The following DAB1 variants were observed in gnomAD, a reference collection of about 807,000 sequenced individuals.
DAB1 encodes disabled homolog 1.
A neutral mutation model predicts 64.6 loss-of-function variants in DAB1; 15 were observed. The observed-to-expected ratio is 0.23, with a 90% CI of 0.16 to 0.36. The LOEUF (loss-of-function observed/expected upper bound fraction) is 0.36, where lower values mean the gene tolerates loss of function less well. DAB1 is among the 10% of genes least tolerant of loss of function. DAB1 has a pLI of 1.00. For missense variants in DAB1, 596 were observed against 706.7 expected (o/e 0.84, Z 1.78); for synonymous variants, 235 against 251.9 (o/e 0.93, Z 0.64).
chr1:57,701,255 G>A (rs1032071337), intron 6 of DAB1, among the ~76,000 whole-genome samples: 42 of 152,048 alleles, frequency 2.8e-4, no homozygotes, highest in African/African-American at 9.7e-4. Context: ...ATATGCACAC[G>A]TATGTTTATT....
intron 3 of DAB1, among the ~76,000 whole-genome samples, chr1:58,450,280 C>T (rs1029527160): frequency 2.0e-5 from 3 of 152,156 alleles, no homozygotes; most frequent in South Asian, 2.1e-4. Context: ...ATTCCCCCAT[C>T]GTGTCCTTGA....
chr1:58,236,571 G>A (rs944228239), intron 4 of DAB1, among the ~76,000 whole-genome samples: 9 of 152,172 alleles, frequency 5.9e-5, no homozygotes, highest in African/African-American at 1.2e-4. Context: ...AAATCAAGGT[G>A]ATTATTTACA....
intron 7 of DAB1, among the ~76,000 whole-genome samples, chr1:57,617,735 A>G (rs992229200): frequency 2.0e-5 from 3 of 152,198 alleles, no homozygotes; most frequent in Admixed American, 1.3e-4. Context: ...GGGAAAACAG[A>G]GAATCAGAGG....
chr1:57,077,544 A>AT (rs1326847920), intron 4 of DAB1, among the ~76,000 whole-genome samples: 2 of 152,236 alleles, frequency 1.3e-5, no homozygotes, highest in Non-Finnish European at 2.9e-5. Context: ...AATTCATAAC[A>AT]TTTCACACAG....
chr1:58,455,688 T>C (rs891043382), intron 3 of DAB1, among the ~76,000 whole-genome samples: 1 of 152,260 alleles, frequency 6.6e-6, no homozygotes, highest in African/African-American at 2.4e-5. Flanking sequence ...GCTGGTTACT[T>C]CAGTCTACTA....
intron 3 of DAB1, among the ~76,000 whole-genome samples, chr1:58,495,370 G>T (rs1351859001): frequency 6.6e-6 from 1 of 152,024 alleles, no homozygotes; most frequent in Non-Finnish European, 1.5e-5. Context: ...GTATATATAT[G>T]TAACACACCT....
chr1:57,011,215 C>T lies in DAB1; in HGVS notation c.1502G>A (p.Ser501Asn), dbSNP rs1269430034. 2.5e-6 allele frequency: 4 copies of T among 1,614,078 alleles called. No individual in the cohort carries two copies. Among genetic ancestry groups the T allele is most frequent in the Non-Finnish European group, 3.4e-6 (4 of 1,179,940 alleles). The change falls in exon 13 of 15, where the codon AGT (serine) becomes AAT (asparagine). Residue 501 changes from serine to asparagine, a missense_variant. Ser to Asn is a conservative substitution (Grantham distance 46, BLOSUM62 1). Transcript: ENST00000371236. ...AAAGATGTCATCTGTGGTAGGATCA[C>T]TGGCATGGGATGCAGATGATTTGGA... Reference protein sequence around the residue: ...SPSKSSASHASDPTTDDIFEE... With the variant: ...SPSKSSASHANDPTTDDIFEE...
intron 5 of DAB1, among the ~76,000 whole-genome samples, chr1:57,970,049 C>T (rs1431585084): frequency 6.6e-6 from 1 of 152,154 alleles, no homozygotes; most frequent in Non-Finnish European, 1.5e-5. Flanking sequence ...CTCACCTCTT[C>T]TACCATGTGA....
chr1:57,108,128 C>T (rs1298345968), intron 4 of DAB1, among the ~76,000 whole-genome samples: 4 of 152,096 alleles, frequency 2.6e-5, no homozygotes, highest in African/African-American at 9.7e-5. Context: ...TTTCTGACAG[C>T]CTCTCCAATC....
intron 7 of DAB1, among the ~76,000 whole-genome samples, chr1:57,439,425 CTTTTTTTTTTT>C (rs71051230): frequency 2.0e-4 from 20 of 98,000 alleles, no homozygotes; most frequent in Middle Eastern, 6.8e-3. Context: ...GAGGTTTTTT[CTTTTTTTTTTT>C]TTTTTTTTTT....
chr1:57,011,717 C>T (rs139676676), intron 12 of DAB1, among the ~76,000 whole-genome samples: 130 of 152,326 alleles, frequency 8.5e-4, no homozygotes, highest in Non-Finnish European at 1.4e-3. Context: ...CGTTATTGAG[C>T]GCCTTTCATG....
chr1:58,454,078 A>T (rs1189013828), intron 3 of DAB1, among the ~76,000 whole-genome samples: 2 of 152,110 alleles, frequency 1.3e-5, no homozygotes, highest in African/African-American at 4.8e-5. Flanking sequence ...AGAAATATCA[A>T]TTGGCTCAGC....
At chr1:58,390,642 T>C (rs1387985391) in intron 3 of DAB1, among the ~76,000 whole-genome samples, 1 of 152,200 alleles carries the variant, frequency 6.6e-6, no homozygotes, top group Non-Finnish European at 1.5e-5. Flanking sequence ...AAAAAAGCAA[T>C]AATAAATGTT....
intron 4 of DAB1, among the ~76,000 whole-genome samples, chr1:58,301,119 A>G (rs1444601350): frequency 2.0e-5 from 3 of 151,738 alleles, no homozygotes; most frequent in Admixed American, 1.3e-4. Context: ...CTACAAGTAT[A>G]GCATGCTGGC....
At chr1:58,159,334 C>T (rs984310690) in intron 4 of DAB1, among the ~76,000 whole-genome samples, 3 of 152,232 alleles carry the variant, frequency 2.0e-5, no homozygotes, top group South Asian at 2.1e-4. Flanking sequence ...TGAATCCCAT[C>T]GAGTTTATCC....
At chr1:57,015,872 A>G (rs1646414169) in intron 11 of DAB1, among the ~76,000 whole-genome samples, 2 of 152,224 alleles carry the variant, frequency 1.3e-5, no homozygotes, top group East Asian at 3.9e-4. Flanking sequence ...CCAGGTTATA[A>G]TACCTTCCTT....
intron 6 of DAB1, among the ~76,000 whole-genome samples, chr1:57,763,354 G>A (rs1358406724): frequency 6.6e-6 from 1 of 152,106 alleles, no homozygotes; most frequent in Non-Finnish European, 1.5e-5. Context: ...GCAAAGTAAT[G>A]GTAAGATTTA....
At chr1:57,741,170 A>G (rs574324690) in intron 6 of DAB1, among the ~76,000 whole-genome samples, 13 of 152,300 alleles carry the variant, frequency 8.5e-5, no homozygotes, top group African/African-American at 2.9e-4. Flanking sequence ...AAATGTCTAC[A>G]GAAGGTATAA....
chr1:57,746,304 A>G (rs1648265545), intron 6 of DAB1, among the ~76,000 whole-genome samples: 1 of 152,168 alleles, frequency 6.6e-6, no homozygotes, highest in Non-Finnish European at 1.5e-5. Flanking sequence ...AGGGTATATT[A>G]TCAATGTATA....
Sources: gnomAD v4.1 joint callset for allele counts (sites outside exome capture counted in the v4.1 genomes callset) on GRCh38, gnomAD v4.1.1 for gene constraint, MANE v1.5 for transcripts, NCBI Gene and HGNC (gene_info 2026-07-23, HGNC 2026-07-21) for gene names.